The following ASZ1 variants were observed in gnomAD, a reference collection of about 807,000 sequenced individuals.
ASZ1 encodes ankyrin repeat, SAM and basic leucine zipper domain containing 1.
A neutral mutation model predicts 61.8 loss-of-function variants in ASZ1; 67 were observed. The observed-to-expected ratio is 1.08, with a 90% CI of 0.89 to 1.33. The LOEUF (loss-of-function observed/expected upper bound fraction) is 1.33, where lower values mean the gene tolerates loss of function less well. Among genes scored for constraint, ASZ1 ranks in the 40% most tolerant of loss-of-function variants. The pLI, the probability that ASZ1 is intolerant of heterozygous loss-of-function variation, is 0.00. For synonymous variants in ASZ1, 193 were observed against 192.7 expected, an observed-to-expected ratio of 1.00 and a Z score of -0.01; for missense variants, 577 against 554.5, an observed-to-expected ratio of 1.04 and a Z score of -0.41.
chr7:117,407,044 G>A (rs897583868), intron 4 of ASZ1, among the ~76,000 whole-genome samples: 1 of 151,954 alleles, frequency 6.6e-6, no homozygotes, highest in Non-Finnish European at 1.5e-5. Flanking sequence ...GGAAAAAAGA[G>A]CACTGACTAA....
chr7:117,419,210 T>A (rs1228268511), intron 4 of ASZ1, among the ~76,000 whole-genome samples: 1 of 152,116 alleles, frequency 6.6e-6, no homozygotes, highest in Non-Finnish European at 1.5e-5. Context: ...GGTATAACAA[T>A]CAAAAATGTC....
In ASZ1 at chr7:117,402,935, G is replaced by C. The variant is rs1796707874; in HGVS notation, c.441-17126C>G. ...CCTCCATTACTAACCCAAAGGTGGG[G>C]CTGCAGTTTGTGAGGTAGAAAAAGA... On this transcript the variant is annotated intron_variant, in intron 4 of 12. Coordinates refer to ENST00000284629, the MANE Select transcript of ASZ1 (RefSeq NM_130768.3). Among the ~76,000 whole-genome samples, 11 of 134,082 alleles carry C rather than the reference G, an allele frequency of 8.2e-5. No homozygotes were observed. The Admixed American group carries it at 8.7e-4, about 11-fold the overall frequency. 88.0% of individuals were successfully genotyped at this position (134,082 alleles called of 152,430 possible). A position where few individuals can be genotyped will look rare whatever the true frequency, so the allele number is the denominator to read the frequency against.
At chr7:117,386,543 C>T (rs1257371889) in intron 4 of ASZ1, among the ~76,000 whole-genome samples, 1 of 152,112 alleles carries the variant, frequency 6.6e-6, no homozygotes, top group East Asian at 1.9e-4. Flanking sequence ...TTGGGCTGAA[C>T]ATAACATCAT....
chr7:117,384,924 AG>A, intron 5 of ASZ1, 64 bp from the exon 6 acceptor site: 1 of 1,360,950 alleles, frequency 7.3e-7, no homozygotes, highest in Non-Finnish European at 9.8e-7. Flanking sequence ...AGACAGGAAA[AG>A]TTTTCAACAG....
intron 10 of ASZ1, among the ~76,000 whole-genome samples, chr7:117,373,409 T>G (rs17139756): frequency 0.023 from 3,485 of 152,160 alleles, 132 homozygotes; most frequent in African/African-American, 0.08. Context: ...ACATACTAAG[T>G]CAGAAAAAAG....
intron 3 of ASZ1, among the ~76,000 whole-genome samples, chr7:117,421,922 T>C (rs1431201475): frequency 6.6e-6 from 1 of 152,196 alleles, no homozygotes; most frequent in African/African-American, 2.4e-5. Flanking sequence ...AGACTGATTT[T>C]CCAGTAATTT....
intron 2 of ASZ1, among the ~76,000 whole-genome samples, chr7:117,425,795 C>T (rs887838920): frequency 6.6e-6 from 1 of 151,598 alleles, no homozygotes; most frequent in African/African-American, 2.4e-5. Flanking sequence ...TCAAGACCAG[C>T]CTGGCCGACA....
chr7:117,407,036 A>C (rs1331005450), intron 4 of ASZ1, among the ~76,000 whole-genome samples: 2 of 152,118 alleles, frequency 1.3e-5, no homozygotes, highest in South Asian at 4.1e-4. Context: ...CAGAACTGGG[A>C]AAAAAGAGCA....
chr7:117,406,022 G>A (rs1030854120), intron 4 of ASZ1, among the ~76,000 whole-genome samples: 7 of 152,134 alleles, frequency 4.6e-5, no homozygotes, highest in Non-Finnish European at 7.3e-5. Flanking sequence ...CTCTAGGTTG[G>A]CTACTCCCAG....
chr7:117,373,061 G>A (rs1271836935), intron 10 of ASZ1, among the ~76,000 whole-genome samples: 4 of 152,046 alleles, frequency 2.6e-5, no homozygotes, highest in Non-Finnish European at 4.4e-5. Flanking sequence ...TTTTTGGGGT[G>A]GAGCTGTTTC....
intron 11 of ASZ1, 32 bp downstream of exon 11, chr7:117,368,580 C>T: frequency 1.2e-6 from 2 of 1,602,100 alleles, no homozygotes; most frequent in Non-Finnish European, 1.7e-6. Context: ...AGTGTTCATA[C>T]TTTTCTTCAC....
chr7:117,370,019 C>G (rs544321057), intron 10 of ASZ1, among the ~76,000 whole-genome samples: 1 of 152,146 alleles, frequency 6.6e-6, no homozygotes, highest in South Asian at 2.1e-4. Flanking sequence ...TTCAAGCAAA[C>G]ATAATTATGA....
intron 2 of ASZ1, among the ~76,000 whole-genome samples, chr7:117,422,560 G>A (rs953093673): frequency 3.9e-5 from 6 of 152,150 alleles, no homozygotes; most frequent in African/African-American, 1.4e-4. Context: ...TTTCACTACA[G>A]GCACTATGTT....
chr7:117,423,162 G>C (rs1176369752), intron 2 of ASZ1, among the ~76,000 whole-genome samples: 3 of 152,098 alleles, frequency 2.0e-5, no homozygotes, highest in Non-Finnish European at 2.9e-5. Context: ...CGAATGACAA[G>C]CAGTGAGCTA....
In ASZ1 at chr7:117,382,870, T is replaced by C; in HGVS notation, c.812+116A>G. The C allele has an allele frequency of 7.0e-6, 8 of 1,140,438 alleles. No homozygotes were observed. The South Asian group carries it at 1.9e-4, about 28-fold the overall frequency. 70.6% of individuals were successfully genotyped at this position (1,140,438 alleles called of 1,614,324 possible). A position where few individuals can be genotyped will look rare whatever the true frequency, so the allele number is the denominator to read the frequency against. Reference sequence around the variant, plus strand: ...CACTAAAAACCCAGACATTTAAAAATGCTTGTAAACATTTAAAATATCATA... The same window carrying C: ...CACTAAAAACCCAGACATTTAAAAACGCTTGTAAACATTTAAAATATCATA... On this transcript the variant is annotated intron_variant, in intron 7 of 12. Coordinates refer to ENST00000284629, the MANE Select transcript of ASZ1 (RefSeq NM_130768.3).
At chr7:117,392,834 T>G (rs1298507057) in intron 4 of ASZ1, among the ~76,000 whole-genome samples, 1 of 151,384 alleles carries the variant, frequency 6.6e-6, no homozygotes, top group African/African-American at 2.4e-5. Context: ...TTACCAGAAA[T>G]TATTAAGATA....
At chr7:117,425,526 C>T (rs1797185687) in intron 2 of ASZ1, among the ~76,000 whole-genome samples, 1 of 151,900 alleles carries the variant, frequency 6.6e-6, no homozygotes, top group Non-Finnish European at 1.5e-5. Context: ...CCTTGGACTC[C>T]CAAAGTGCTG....
intron 4 of ASZ1, 148 bp from the exon 5 acceptor site, chr7:117,385,957 C>A: frequency 1.5e-6 from 1 of 660,326 alleles, no homozygotes; most frequent in Non-Finnish European, 2.5e-6. Flanking sequence ...TTTAAAAATC[C>A]AACCTTCCTG....
Position 117,381,063 on chromosome 7 carries a change from C to T in ASZ1, c.893G>A (p.Arg298Lys), listed in dbSNP as rs1796240417. ...LEHMTDLLKE[R>K]DITLRHLLTM... Reference sequence around the variant, plus strand: ...CAAAAGATGTCTTAACGTTATATCCCTTTCCTGTATAAAAGGAAAAAAAGG... The same window carrying T: ...CAAAAGATGTCTTAACGTTATATCCTTTTCCTGTATAAAAGGAAAAAAAGG... Residue 298 changes from arginine (R) to lysine (K), a missense_variant, in exon 9 of 13, where the codon AGG becomes AAG. Arg to Lys is a conservative substitution (Grantham distance 26, BLOSUM62 2). Coordinates refer to ENST00000284629, the MANE Select transcript of ASZ1 (RefSeq NM_130768.3). The T allele has an allele frequency of 2.1e-5, 34 of 1,585,296 alleles. No individual in the cohort carries two copies. Among genetic ancestry groups the T allele is most frequent in the Non-Finnish European group, 2.9e-5 (34 of 1,165,376 alleles).
Sources: gnomAD v4.1 joint callset for allele counts (sites outside exome capture counted in the v4.1 genomes callset) on GRCh38, gnomAD v4.1.1 for gene constraint, MANE v1.5 for transcripts, NCBI Gene and HGNC (gene_info 2026-07-23, HGNC 2026-07-21) for gene names.